Variants in CADM2 observed in about 807,000 individuals in gnomAD.
CADM2 encodes cell adhesion molecule 2.
In CADM2, 12 loss-of-function variants were observed where a neutral mutation model predicts 49.8. The ratio of observed to expected loss-of-function variants is 0.24; its 90% CI spans 0.15 to 0.39. CADM2 has a LOEUF of 0.39. CADM2 is among the 10% of genes least tolerant of loss of function. The pLI, the probability that CADM2 is intolerant of heterozygous loss-of-function variation, is 1.00. For synonymous variants in CADM2, 214 were observed against 175.4 expected, an observed-to-expected ratio of 1.22 and a Z score of -1.74; for missense variants, 378 against 492.3, an observed-to-expected ratio of 0.77 and a Z score of 2.20.
intron 1 of CADM2, among the ~76,000 whole-genome samples, chr3:85,426,258 C>T (rs1160281135): frequency 6.6e-6 from 1 of 151,882 alleles, no homozygotes; most frequent in Non-Finnish European, 1.5e-5. Flanking sequence ...CTCCCTGCCT[C>T]AGCCTCCCAT....
chr3:85,583,301 C>T (rs1052667115), intron 1 of CADM2, among the ~76,000 whole-genome samples: 6 of 152,014 alleles, frequency 3.9e-5, no homozygotes, highest in Non-Finnish European at 7.4e-5. Flanking sequence ...TTTTGAGAAC[C>T]AGGGTTGGAT....
intron 1 of CADM2, among the ~76,000 whole-genome samples, chr3:85,378,342 T>G (rs1181535213): frequency 6.6e-6 from 1 of 152,058 alleles, no homozygotes; most frequent in Middle Eastern, 3.2e-3. Flanking sequence ...ATTTTGTTCC[T>G]GCAGGAGGCT....
At chr3:85,672,433 C>T (rs908204699) in intron 1 of CADM2, among the ~76,000 whole-genome samples, 1 of 151,970 alleles carries the variant, frequency 6.6e-6, no homozygotes, top group African/African-American at 2.4e-5. Flanking sequence ...ACCTTGTGAT[C>T]CGCTCGCCTT....
At chr3:85,949,525 T>C (rs1191266488) in intron 7 of CADM2, among the ~76,000 whole-genome samples, 1 of 151,270 alleles carries the variant, frequency 6.6e-6, no homozygotes, top group African/African-American at 2.4e-5. Context: ...AACAAGGTTG[T>C]CACCAAAACT....
chr3:84,974,246 T>TATAC (rs1417549796), intron 1 of CADM2, among the ~76,000 whole-genome samples: 26 of 151,690 alleles, frequency 1.7e-4, no homozygotes, highest in African/African-American at 5.8e-4. Context: ...TATATATATA[T>TATAC]ATACTTTGGA....
intron 8 of CADM2, among the ~76,000 whole-genome samples, chr3:85,990,167 G>A (rs1007031796): frequency 2.6e-5 from 4 of 151,532 alleles, no homozygotes; most frequent in East Asian, 1.9e-4. Context: ...TTGCCTTCAC[G>A]ATGGCACAAA....
At chr3:85,408,863 C>G (rs1185748311) in intron 1 of CADM2, among the ~76,000 whole-genome samples, 1 of 152,032 alleles carries the variant, frequency 6.6e-6, no homozygotes, top group East Asian at 1.9e-4. Context: ...ATAAAGTTTA[C>G]AAATAAACAA....
chr3:85,798,393 G>A (rs923406095), intron 2 of CADM2, among the ~76,000 whole-genome samples: 8 of 151,964 alleles, frequency 5.3e-5, no homozygotes, highest in Admixed American at 2.0e-4. Flanking sequence ...GGGTTTTTAC[G>A]GTTTCAGATC....
chr3:85,665,365 G>A (rs750320193), intron 1 of CADM2, among the ~76,000 whole-genome samples: 4 of 151,790 alleles, frequency 2.6e-5, no homozygotes, highest in Non-Finnish European at 5.9e-5. Context: ...TTTAAAGGTT[G>A]TAATGACTTA....
At chr3:85,735,797 T>G (rs773164958) in intron 2 of CADM2, among the ~76,000 whole-genome samples, 2 of 152,108 alleles carry the variant, frequency 1.3e-5, no homozygotes, top group Non-Finnish European at 2.9e-5. Flanking sequence ...AAGTTACATT[T>G]ACAAGATCGA....
intron 1 of CADM2, among the ~76,000 whole-genome samples, chr3:85,491,481 A>G (rs1321510069): frequency 6.6e-6 from 1 of 152,148 alleles, no homozygotes; most frequent in African/African-American, 2.4e-5. Flanking sequence ...ACAACCAAGA[A>G]CTAGAGTTAT....
intron 1 of CADM2, among the ~76,000 whole-genome samples, chr3:85,229,963 C>T (rs1044290134): frequency 2.6e-5 from 4 of 152,124 alleles, no homozygotes; most frequent in Admixed American, 2.6e-4. Context: ...TGTAAGATAA[C>T]TTGTGTTATT....
chr3:86,030,771 G>A (rs1284081861), intron 8 of CADM2, among the ~76,000 whole-genome samples: 1 of 151,848 alleles, frequency 6.6e-6, no homozygotes. Context: ...GTTCATAAAT[G>A]AATTGATAAA....
chr3:85,132,318 G>T lies in CADM2; in HGVS notation c.61+172650G>T, dbSNP rs78656784. ...GACTACCTAAGGAAACCTTTAACTG[G>T]CCTTATATTGTCCATAGTAATCCAC... On this transcript the variant is annotated intron_variant, in intron 1 of 9. Coordinates refer to ENST00000383699, the MANE Select transcript of CADM2 (RefSeq NM_001167675.2). Among the ~76,000 whole-genome samples the T allele has an allele frequency of 5.1e-3, 779 of 152,214 alleles. 5 individuals are homozygous for T. Among genetic ancestry groups the T allele is most frequent in the African/African-American group, 0.018 (742 of 41,514 alleles).
At chr3:85,320,536 A>T (rs947531524) in intron 1 of CADM2, among the ~76,000 whole-genome samples, 2 of 152,142 alleles carry the variant, frequency 1.3e-5, no homozygotes, top group Non-Finnish European at 2.9e-5. Context: ...AGTTTGGTTC[A>T]CGGAGACAAT....
chr3:85,285,566 T>C (rs1230989434), intron 1 of CADM2, among the ~76,000 whole-genome samples: 1 of 152,116 alleles, frequency 6.6e-6, no homozygotes, highest in Non-Finnish European at 1.5e-5. Flanking sequence ...CACATAACTC[T>C]AGTTTGAACA....
At chr3:85,048,702 T>C (rs748221539) in intron 1 of CADM2, among the ~76,000 whole-genome samples, 8 of 152,094 alleles carry the variant, frequency 5.3e-5, no homozygotes, top group African/African-American at 9.7e-5. Flanking sequence ...GAGGTGGTTG[T>C]TGTGGGAACT....
chr3:85,652,933 A>G (rs1163756935), intron 1 of CADM2, among the ~76,000 whole-genome samples: 8 of 151,266 alleles, frequency 5.3e-5, no homozygotes, highest in Admixed American at 5.3e-4. Flanking sequence ...GCATGCCACC[A>G]CACCTGGCTA....
chr3:85,554,719 A>G (rs1005368365), intron 1 of CADM2, among the ~76,000 whole-genome samples: 1 of 151,852 alleles, frequency 6.6e-6, no homozygotes, highest in East Asian at 1.9e-4. Flanking sequence ...TTTTTGTGAC[A>G]AATTCTTGCT....
Sources: allele counts gnomAD v4.1 joint callset (sites outside exome capture counted in the v4.1 genomes callset), GRCh38; gene constraint gnomAD v4.1.1; transcripts MANE v1.5; gene names NCBI Gene and HGNC (gene_info 2026-07-23, HGNC 2026-07-21).